BRF1: variants seen among roughly 807,000 people sequenced by gnomAD.
The protein encoded by BRF1 is transcription factor IIIB 90 kDa subunit.
In BRF1, 59 loss-of-function variants were observed where a neutral mutation model predicts 81.7. The ratio of observed to expected loss-of-function variants is 0.72; its 90% CI spans 0.59 to 0.90. The LOEUF (loss-of-function observed/expected upper bound fraction) is 0.90, where lower values mean the gene tolerates loss of function less well. Among genes scored for constraint, BRF1 ranks in the 40% least tolerant of loss-of-function variants. The pLI, the probability that BRF1 is intolerant of heterozygous loss-of-function variation, is 0.00. For missense variants in BRF1, 1,050 were observed against 936.3 expected, an observed-to-expected ratio of 1.12 and a Z score of -1.58; for synonymous variants, 491 against 395.6, an observed-to-expected ratio of 1.24 and a Z score of -2.86.
intron 1 of BRF1, among the ~76,000 whole-genome samples, chr14:105,312,393 T>C (rs1018922334): frequency 1.3e-5 from 2 of 152,238 alleles, no homozygotes; most frequent in African/African-American, 4.8e-5. Flanking sequence ...GGACCAGCTT[T>C]CAGGTTGTCC....
intron 5 of BRF1, chr14:105,249,899 C>G: frequency 3.7e-6 from 6 of 1,611,234 alleles, no homozygotes; most frequent in Non-Finnish European, 4.2e-6. Context: ...TGAGATAGAC[C>G]GGCAGACGCT....
chr14:105,249,915 T>C, intron 5 of BRF1: 7 of 1,611,330 alleles, frequency 4.3e-6, no homozygotes, highest in Non-Finnish European at 5.1e-6. Context: ...ACGCTGGAGA[T>C]CATTGTCACT....
intron 5 of BRF1, chr14:105,247,115 A>G (rs768811614): frequency 1.6e-4 from 162 of 985,364 alleles, no homozygotes; most frequent in Non-Finnish European, 1.9e-4. Context: ...CCACGGCCAC[A>G]GCAGCCAGCG....
intron 5 of BRF1, 91 bp from the exon 6 acceptor site, chr14:105,241,505 A>C (rs918161402): frequency 4.6e-6 from 7 of 1,537,800 alleles, no homozygotes; most frequent in Non-Finnish European, 6.2e-6. Flanking sequence ...GGCAACCTGC[A>C]CTTGTCTTTC....
chr14:105,222,773 C>T (rs1892493358), intron 10 of BRF1, among the ~76,000 whole-genome samples: 1 of 152,140 alleles, frequency 6.6e-6, no homozygotes, highest in Admixed American at 6.5e-5. Flanking sequence ...GGACTACAGG[C>T]GCCCGCCACC....
intron 5 of BRF1, among the ~76,000 whole-genome samples, chr14:105,245,386 G>C (rs115081716): frequency 9.9e-5 from 15 of 151,660 alleles, no homozygotes; most frequent in South Asian, 2.1e-4. Context: ...ATAAATAAAG[G>C]AAGCAATGAA....
intron 3 of BRF1, among the ~76,000 whole-genome samples, chr14:105,257,324 G>A (rs1484188500): frequency 2.0e-5 from 3 of 152,186 alleles, no homozygotes; most frequent in Non-Finnish European, 2.9e-5. Context: ...GTCCAGAGCA[G>A]GGGTCCAAAG....
chr14:105,249,519 T>TA, intron 5 of BRF1: 1 of 1,608,932 alleles, frequency 6.2e-7, no homozygotes, highest in Non-Finnish European at 8.5e-7. Context: ...GGGTCCGTTT[T>TA]AGGCGGCCTC....
chr14:105,247,061 T>C (rs2055172052), intron 5 of BRF1: 2 of 985,354 alleles, frequency 2.0e-6, no homozygotes, highest in Admixed American at 6.1e-5. Context: ...AAACTGCTTA[T>C]GCCCGTTACC....
rs755518616 is a variant in BRF1 at position 105,286,263 on chromosome 14, C to G, written c.265+33G>C. 2.5e-6 allele frequency: 4 copies of G among 1,595,570 alleles called. No individual in the cohort carries two copies. The South Asian group carries it at 3.4e-5, about 14-fold the overall frequency. On this transcript the variant is annotated intron_variant, in intron 2 of 17. Transcript: ENST00000547530. ...CACCATCCCCATCTCTGGGACCCGC[C>G]GCACGCTCAGCAGCATCCGCGGTGG...
chr14:105,256,598 C>T, intron 3 of BRF1, 49 bp from the exon 4 acceptor site: 1 of 1,603,606 alleles, frequency 6.2e-7, no homozygotes, highest in Admixed American at 1.7e-5. Flanking sequence ...GCTCAGGTTA[C>T]TCGCCCACCT....
intron 6 of BRF1, among the ~76,000 whole-genome samples, chr14:105,229,383 C>T (rs932482663): frequency 1.3e-5 from 2 of 152,234 alleles, no homozygotes; most frequent in African/African-American, 4.8e-5. Flanking sequence ...GGAACGGCTT[C>T]TCAGGTGGAC....
chr14:105,266,622 T>TA (rs1279780930), intron 3 of BRF1, among the ~76,000 whole-genome samples: 1 of 151,938 alleles, frequency 6.6e-6, no homozygotes, highest in Non-Finnish European at 1.5e-5. Context: ...CGCAGATACA[T>TA]AGAGCGAAGG....
At chr14:105,278,262 G>A (rs942872326) in intron 2 of BRF1, among the ~76,000 whole-genome samples, 1 of 151,964 alleles carries the variant, frequency 6.6e-6, no homozygotes, top group Non-Finnish European at 1.5e-5. Flanking sequence ...AGACCAGCCT[G>A]GGCAACATAG....
At chr14:105,251,099 G>A (rs1023339827) in intron 5 of BRF1, 9 of 203,872 alleles carry the variant, frequency 4.4e-5, no homozygotes, top group South Asian at 1.1e-4. Flanking sequence ...TAACACCCAC[G>A]TGTCAGTAAA....
At chr14:105,250,083 T>A in intron 5 of BRF1, 2 of 1,613,002 alleles carry the variant, frequency 1.2e-6, no homozygotes, top group Non-Finnish European at 1.7e-6. Context: ...ACCATGACCC[T>A]AGAGGAGTTT....
chr14:105,226,536 T>C (rs1253560258), intron 8 of BRF1, 98 bp downstream of exon 8: 1 of 1,575,968 alleles, frequency 6.3e-7, no homozygotes, highest in Non-Finnish European at 8.6e-7. Flanking sequence ...TATGAGGCTT[T>C]GGGATGGCAC....
intron 11 of BRF1, among the ~76,000 whole-genome samples, chr14:105,221,033 T>G (rs944222683): frequency 1.1e-4 from 17 of 152,218 alleles, no homozygotes; most frequent in African/African-American, 3.9e-4. Context: ...TTGATAAACA[T>G]TCGCCTGGCT....
rs150754291 is a variant in BRF1, at chr14:105,227,073, G to A, written c.789-313C>T. ...TGAGGCTGTAACGAGCTGTGATAGC[G>A]CCACTGGCCTCCAGCCTGGGCAGCA... On this transcript the variant is annotated intron_variant, in intron 7 of 17. Transcript: ENST00000547530. 1.6e-3 allele frequency: 516 copies of A among 313,654 alleles called. 4 individuals are homozygous for A. Among genetic ancestry groups the A allele is most frequent in the African/African-American group, 0.011 (469 of 44,546 alleles). 19.4% of individuals were successfully genotyped at this position (313,654 alleles called of 1,614,324 possible). A position where few individuals can be genotyped will look rare whatever the true frequency, so the allele number is the denominator to read the frequency against.
Sources: allele counts gnomAD v4.1 joint callset (sites outside exome capture counted in the v4.1 genomes callset), GRCh38; gene constraint gnomAD v4.1.1; transcripts MANE v1.5; gene names NCBI Gene and HGNC (gene_info 2026-07-23, HGNC 2026-07-21).